Variants in CACNG5 observed in about 807,000 individuals in gnomAD.
CACNG5 encodes the protein voltage-dependent calcium channel gamma-5 subunit.
CACNG5 carries 18 observed loss-of-function variants against 24.8 expected under a neutral mutation model. That is an observed-to-expected ratio of 0.73 (90% CI 0.50 to 1.08). CACNG5 has a LOEUF of 1.08. Among genes scored for constraint, CACNG5 ranks in the 50% least tolerant of loss-of-function variants. The pLI is 0.00. For synonymous variants in CACNG5, 157 were observed against 149.1 expected (o/e 1.05, Z -0.39); for missense variants, 349 against 367.9 (o/e 0.95, Z 0.42).
chr17:66,890,960 G>A lies in CACNG5; in HGVS notation c.*5720G>A, dbSNP rs1977334944. Among the ~76,000 whole-genome samples, 1 of 152,188 alleles carries A rather than the reference G, an allele frequency of 6.6e-6. No homozygotes were observed. Among genetic ancestry groups the A allele is most frequent in the African/African-American group, 2.4e-5 (1 of 41,452 alleles). On this transcript the variant is annotated 3_prime_UTR_variant, in exon 6 of 6. Coordinates refer to ENST00000533854, the MANE Select transcript of CACNG5 (RefSeq NM_145811.3). ...AGATCAGATACTTGCAGCACCCCAA[G>A]GAAGAATAAGATTTATGCATAATGG...
chr17:66,873,916 TGCA>T (rs1977043065), intron 1 of CACNG5, among the ~76,000 whole-genome samples: 1 of 147,016 alleles, frequency 6.8e-6, no homozygotes, highest in Non-Finnish European at 1.5e-5. Context: ...AAGAGCTAGG[TGCA>T]GTGCTTCTCA....
intron 1 of CACNG5, among the ~76,000 whole-genome samples, chr17:66,873,852 C>T (rs1977042419): frequency 6.6e-6 from 1 of 151,066 alleles, no homozygotes; most frequent in Non-Finnish European, 1.5e-5. Context: ...CAGAAATAAG[C>T]AAAGCTAAGC....
intron 1 of CACNG5, among the ~76,000 whole-genome samples, chr17:66,864,429 A>G (rs1229643789): frequency 6.6e-6 from 1 of 152,238 alleles, no homozygotes; most frequent in Non-Finnish European, 1.5e-5. Flanking sequence ...CCTCAACTGC[A>G]GAGGTTGTAC....
intron 4 of CACNG5, among the ~76,000 whole-genome samples, chr17:66,882,585 A>G (rs899923068): frequency 3.3e-5 from 5 of 152,166 alleles, no homozygotes; most frequent in African/African-American, 1.2e-4. Flanking sequence ...GTGCATTTTC[A>G]TGGAGACCTT....
At chr17:66,877,029 C>A (rs1977088078) in intron 1 of CACNG5, among the ~76,000 whole-genome samples, 3 of 151,868 alleles carry the variant, frequency 2.0e-5, no homozygotes, top group South Asian at 2.1e-4. Context: ...CAGTACCCAG[C>A]AAGGGGACTC....
chr17:66,843,589 C>G (rs1361549058), intron 1 of CACNG5, among the ~76,000 whole-genome samples: 1 of 152,094 alleles, frequency 6.6e-6, no homozygotes. Flanking sequence ...TGGGGAGTTT[C>G]CCATCTTCCC....
chr17:66,876,126 A>T (rs559607063), intron 1 of CACNG5, among the ~76,000 whole-genome samples: 52 of 152,352 alleles, frequency 3.4e-4, no homozygotes, highest in African/African-American at 1.2e-3. Context: ...AACCAGCTGC[A>T]TGGTGATGCC....
chr17:66,879,166 C>T, intron 3 of CACNG5, 108 bp downstream of exon 3: 1 of 760,094 alleles, frequency 1.3e-6, no homozygotes, highest in Admixed American at 2.1e-5. Flanking sequence ...TGCCCTTAGA[C>T]TCAGCTGGGT....
chr17:66,853,066 A>G (rs1261238627), intron 1 of CACNG5, among the ~76,000 whole-genome samples: 1 of 151,728 alleles, frequency 6.6e-6, no homozygotes, highest in African/African-American at 2.4e-5. Flanking sequence ...GGCTGAAGCA[A>G]TCCTCTCACC....
chr17:66,846,971 T>G (rs1356060797), intron 1 of CACNG5, among the ~76,000 whole-genome samples: 1 of 152,236 alleles, frequency 6.6e-6, no homozygotes, highest in African/African-American at 2.4e-5. Context: ...TTACCCATGT[T>G]TTACAGATAC....
At chr17:66,875,407 C>A (rs1221918233) in intron 1 of CACNG5, among the ~76,000 whole-genome samples, 1 of 152,190 alleles carries the variant, frequency 6.6e-6, no homozygotes, top group Non-Finnish European at 1.5e-5. Context: ...TAGACTCACA[C>A]ATGCCTCCAG....
In CACNG5 at chr17:66,885,733, C is replaced by G. The variant is rs1002358619; in HGVS notation, c.*493C>G. On this transcript the variant is annotated 3_prime_UTR_variant, in exon 6 of 6. Transcript: ENST00000533854. ...AGGTGACTCTGATATAGAGGTCTGG[C>G]TGACTTAGACATGTCAAGCTGTCAG... Among the ~76,000 whole-genome samples, 3 of 152,226 alleles carry G rather than the reference C, an allele frequency of 2.0e-5. No homozygotes were observed. Among genetic ancestry groups the G allele is most frequent in the African/African-American group, 7.2e-5 (3 of 41,454 alleles).
chr17:66,854,805 G>T (rs1013882839), intron 1 of CACNG5, among the ~76,000 whole-genome samples: 29 of 151,420 alleles, frequency 1.9e-4, no homozygotes, highest in African/African-American at 7.0e-4. Context: ...TCCTATAGAT[G>T]AATAAGAAAG....
chr17:66,888,182 C>CTT lies in CACNG5; in HGVS notation c.*2961_*2962dup, dbSNP rs1202304621. Reference sequence around the variant, plus strand: ...CCCACACCTGGAACTTACTACCCTACTTTTTTTTTTTTTTTTTTTTGAGAT... The same window carrying CTT: ...CCCACACCTGGAACTTACTACCCTACTTTTTTTTTTTTTTTTTTTTTTGAGAT... On this transcript the variant is annotated 3_prime_UTR_variant, in exon 6 of 6. Transcript: ENST00000533854. 7.0e-3 allele frequency among the ~76,000 whole-genome samples: 834 copies of CTT among 118,610 alleles called. 23 individuals carry two copies. Among genetic ancestry groups the CTT allele is most frequent in the African/African-American group, 0.025 (744 of 29,686 alleles). The allele number at this position is 118,610 out of a possible 152,430, so 77.8% of individuals were successfully genotyped here.
intron 1 of CACNG5, among the ~76,000 whole-genome samples, chr17:66,841,960 G>T (rs1281325218): frequency 6.6e-6 from 1 of 152,222 alleles, no homozygotes; most frequent in African/African-American, 2.4e-5. Context: ...AGGCACCACT[G>T]AGCAGATGGA....
At chr17:66,869,450 T>A (rs1976972814) in intron 1 of CACNG5, among the ~76,000 whole-genome samples, 1 of 152,196 alleles carries the variant, frequency 6.6e-6, no homozygotes, top group South Asian at 2.1e-4. Flanking sequence ...ACTTACTTGA[T>A]AAGTCTTTCA....
chr17:66,856,511 A>G (rs1311319797), intron 1 of CACNG5, among the ~76,000 whole-genome samples: 2 of 151,178 alleles, frequency 1.3e-5, no homozygotes, highest in Non-Finnish European at 2.9e-5. Context: ...GAAAATTTCC[A>G]ACATAACAAG....
chr17:66,884,409 C>A lies in CACNG5; in HGVS notation c.425-107C>A. On this transcript the variant is annotated intron_variant, in intron 4 of 5. Coordinates refer to ENST00000533854, the MANE Select transcript of CACNG5 (RefSeq NM_145811.3). The stretch of plus-strand genomic sequence containing the variant: ...AACTCCACTGAGAGCATTGTTACCC[C>A]AAGGCTGGTGGCTTTGCTCCTGAAT... 2 of 1,201,960 alleles carry A rather than the reference C, an allele frequency of 1.7e-6. 1 individual carries two copies. The highest frequency in any genetic ancestry group is 2.9e-5 in the South Asian group (2 of 68,174). The allele number at this position is 1,201,960 out of a possible 1,614,324, so 74.5% of individuals were successfully genotyped here. A position where few individuals can be genotyped will look rare whatever the true frequency, so the allele number is the denominator to read the frequency against.
chr17:66,877,090 T>C (rs1598060538), intron 1 of CACNG5, 140 bp from the exon 2 acceptor site: 1 of 482,574 alleles, frequency 2.1e-6, no homozygotes, highest in East Asian at 3.4e-5. Flanking sequence ...ACGCTCTGAA[T>C]TGCTGCGGGG....
Sources: gnomAD v4.1 joint callset for allele counts (sites outside exome capture counted in the v4.1 genomes callset) on GRCh38, gnomAD v4.1.1 for gene constraint, MANE v1.5 for transcripts, NCBI Gene and HGNC (gene_info 2026-07-23, HGNC 2026-07-21) for gene names.